The following CLRN1 variants were observed in gnomAD, a reference collection of about 807,000 sequenced individuals.
The protein encoded by CLRN1 is clarin 1.
Under a neutral mutation model 18.7 loss-of-function variants are expected in CLRN1, and 15 were observed. That is an observed-to-expected ratio of 0.80 (90% confidence interval 0.54 to 1.23). CLRN1 has a LOEUF of 1.23. CLRN1 is among the 50% of genes most tolerant of loss of function. The pLI, the probability that CLRN1 is intolerant of heterozygous loss-of-function variation, is 0.00. For missense variants in CLRN1, 311 were observed against 277.5 expected (o/e 1.12, Z -0.86); for synonymous variants, 104 against 102.9 (o/e 1.01, Z -0.07).
intron 2 of CLRN1, among the ~76,000 whole-genome samples, chr3:150,937,279 C>T (rs1388061430): frequency 6.6e-6 from 1 of 152,150 alleles, no homozygotes. Context: ...GTGAAGACAG[C>T]ATTGTGTGCC....
At chr3:150,940,511 A>G in intron 2 of CLRN1, 2 of 1,534,876 alleles carry the variant, frequency 1.3e-6, no homozygotes, top group Non-Finnish European at 1.7e-6. Context: ...GCTGGCAGCC[A>G]AAGGGCAACT....
chr3:150,939,991 C>A (rs1379939424), intron 2 of CLRN1, among the ~76,000 whole-genome samples: 1 of 152,196 alleles, frequency 6.6e-6, no homozygotes, highest in Non-Finnish European at 1.5e-5. Context: ...GCCTGTTCTA[C>A]CAGTTCCATG....
chr3:150,943,236 C>G (rs552381092), intron 1 of CLRN1, among the ~76,000 whole-genome samples: 1 of 152,310 alleles, frequency 6.6e-6, no homozygotes, highest in South Asian at 2.1e-4. Flanking sequence ...AAGCCTGAAA[C>G]CTGCAGCCCA....
chr3:150,963,145 GATTGTAT>G (rs1420154243), intron 1 of CLRN1, among the ~76,000 whole-genome samples: 1 of 152,168 alleles, frequency 6.6e-6, no homozygotes, highest in Non-Finnish European at 1.5e-5. Context: ...CAGATGAGAT[GATTGTAT>G]ATTTAGAAAA....
chr3:150,927,371 C>T lies in CLRN1; in HGVS notation c.*565G>A. The T allele has an allele frequency of 1.1e-5, 5 of 436,388 alleles. No homozygotes were observed. The highest frequency in any genetic ancestry group is 2.3e-5 in the Non-Finnish European group (5 of 218,896). 27.0% of individuals were successfully genotyped at this position (436,388 alleles called of 1,614,324 possible). A position where few individuals can be genotyped will look rare whatever the true frequency, so the allele number is the denominator to read the frequency against. On this transcript the variant is annotated 3_prime_UTR_variant, in exon 3 of 3. Coordinates refer to ENST00000327047, the MANE Select transcript of CLRN1 (RefSeq NM_174878.3). ...AACTCCTGAACTCAAATGATCTTCC[C>T]ACCTTGGCCTCCTGAAGTGCTGGAA...
At chr3:150,959,538 A>G (rs1413751622) in intron 1 of CLRN1, among the ~76,000 whole-genome samples, 3 of 151,472 alleles carry the variant, frequency 2.0e-5, no homozygotes, top group Non-Finnish European at 4.4e-5. Context: ...CTGGGGCAGG[A>G]GAATCTCTTC....
intron 2 of CLRN1, 68 bp from the exon 3 acceptor site, chr3:150,928,269 A>G (rs1712941738): frequency 6.4e-7 from 1 of 1,571,844 alleles, no homozygotes; most frequent in South Asian, 1.2e-5. Context: ...AAGAGGGTCA[A>G]TGTGTAAACC....
chr3:150,932,698 T>C (rs1382876336), intron 2 of CLRN1, among the ~76,000 whole-genome samples: 3 of 152,206 alleles, frequency 2.0e-5, no homozygotes, highest in African/African-American at 7.2e-5. Context: ...TAAATGTCAC[T>C]AGAAAGTTAG....
chr3:150,963,283 G>A lies in CLRN1; in HGVS notation c.253+9173C>T, dbSNP rs531374527. ...TATACACCAATAACAGACAAACAGAGAGCAAACTTATGAGTGAACTTCCAT... is the reference window on the plus strand; with the variant it reads ...TATACACCAATAACAGACAAACAGAAAGCAAACTTATGAGTGAACTTCCAT... On this transcript the variant is annotated intron_variant, in intron 1 of 2. Coordinates refer to ENST00000327047, the MANE Select transcript of CLRN1 (RefSeq NM_174878.3). Among the ~76,000 whole-genome samples the A allele has an allele frequency of 3.9e-5, 6 of 152,274 alleles. No homozygotes were observed. In the East Asian group the frequency reaches 1.2e-3, roughly 29 times the overall value.
intron 1 of CLRN1, among the ~76,000 whole-genome samples, chr3:150,964,194 C>A (rs1715162781): frequency 6.6e-6 from 1 of 151,960 alleles, no homozygotes; most frequent in Admixed American, 6.6e-5. Flanking sequence ...CCAGAATCTA[C>A]AAGGAAGTTA....
chr3:150,932,477 A>G (rs1379017958), intron 2 of CLRN1, among the ~76,000 whole-genome samples: 1 of 152,222 alleles, frequency 6.6e-6, no homozygotes, highest in Admixed American at 6.5e-5. Context: ...TGGAATTTCA[A>G]TTCCATTTAA....
chr3:150,950,955 T>C (rs4680082), intron 1 of CLRN1, among the ~76,000 whole-genome samples: 97,019 of 152,110 alleles, frequency 0.64, 31,435 homozygotes, highest in Non-Finnish European at 0.7. Flanking sequence ...TGGAATACTA[T>C]GCAGCAATAA....
intron 1 of CLRN1, among the ~76,000 whole-genome samples, chr3:150,967,700 C>T (rs1715331166): frequency 6.6e-6 from 1 of 152,130 alleles, no homozygotes; most frequent in Non-Finnish European, 1.5e-5. Flanking sequence ...AGGAGAGACG[C>T]AAGGTGTGCA....
In CLRN1 at chr3:150,940,520, C is replaced by T. The variant is rs760337103; in HGVS notation, c.433+1062G>A. The T allele has an allele frequency of 5.2e-6, 8 of 1,534,572 alleles. No homozygotes were observed. In the South Asian group the frequency reaches 7.2e-5, roughly 14 times the overall value. On this transcript the variant is annotated intron_variant, in intron 2 of 2. Coordinates refer to ENST00000327047, the MANE Select transcript of CLRN1 (RefSeq NM_174878.3). ...CTGGTAGCTGGCAGCCAAAGGGCAA[C>T]TTCAGGAGAAAAAGAAACAGTCGAA...
Position 150,958,554 on chromosome 3 carries a change from C to T in CLRN1, c.253+13902G>A, listed in dbSNP as rs140664326. Among the ~76,000 whole-genome samples the T allele has an allele frequency of 8.5e-3, 1,298 of 152,332 alleles. 17 individuals carry two copies. The highest frequency in any genetic ancestry group is 0.029 in the African/African-American group (1,221 of 41,570). On this transcript the variant is annotated intron_variant, in intron 1 of 2. Transcript: ENST00000327047. Reference sequence around the variant, plus strand: ...ACCTTTTCCCTCCTCCACACTCTCACGCATCGTCTGTACTAGGACCACAAT... The same window carrying T: ...ACCTTTTCCCTCCTCCACACTCTCATGCATCGTCTGTACTAGGACCACAAT...
intron 1 of CLRN1, among the ~76,000 whole-genome samples, chr3:150,966,241 G>A (rs1715253460): frequency 6.6e-6 from 1 of 152,210 alleles, no homozygotes; most frequent in Non-Finnish European, 1.5e-5. Flanking sequence ...TTGGGCAGGA[G>A]AGGTCAAGGC....
At chr3:150,960,443 T>G (rs1246353194) in intron 1 of CLRN1, among the ~76,000 whole-genome samples, 7 of 152,172 alleles carry the variant, frequency 4.6e-5, no homozygotes, top group Non-Finnish European at 8.8e-5. Context: ...GTCCTTGAAG[T>G]ACGTGGAATT....
At chr3:150,941,178 CA>C (rs1713813775) in intron 2 of CLRN1, among the ~76,000 whole-genome samples, 55 of 132,880 alleles carry the variant, frequency 4.1e-4, no homozygotes, top group Admixed American at 3.5e-3. Context: ...CTATCTCTTT[CA>C]TATATATATA....
chr3:150,972,544 G>T lies in CLRN1; in HGVS notation c.165C>A (p.Asp55Glu), dbSNP rs182614686. The T allele has an allele frequency of 6.2e-7, 1 of 1,614,144 alleles. No individual in the cohort carries two copies. Among genetic ancestry groups the T allele is most frequent in the Non-Finnish European group, 8.5e-7 (1 of 1,180,038 alleles). The change falls in exon 1 of 3, where the codon GAC (aspartate) becomes GAA (glutamate). Residue 55 changes from aspartate to glutamate, a missense_variant. Coordinates refer to ENST00000327047, the MANE Select transcript of CLRN1 (RefSeq NM_174878.3). ...LLVNASGQEL[D>E]KFMGEMQYGL... ...CGTACTGCATTTCACCCATAAACTTGTCCAGCTCCTGCCCTGAGGCATTGA... is the reference window on the plus strand; with the variant it reads ...CGTACTGCATTTCACCCATAAACTTTTCCAGCTCCTGCCCTGAGGCATTGA...
Sources: allele counts gnomAD v4.1 joint callset (sites outside exome capture counted in the v4.1 genomes callset), GRCh38; gene constraint gnomAD v4.1.1; transcripts MANE v1.5; gene names NCBI Gene and HGNC (gene_info 2026-07-23, HGNC 2026-07-21).